Variants in ANKRD17 observed in about 807,000 individuals in gnomAD.
ANKRD17 encodes ankyrin repeat domain 17.
A neutral mutation model predicts 229.7 loss-of-function variants in ANKRD17; 19 were observed. The observed-to-expected ratio is 0.08, with a 90% CI of 0.06 to 0.12. The LOEUF (loss-of-function observed/expected upper bound fraction) is 0.12. ANKRD17 is among the 10% of genes least tolerant of loss of function. The pLI, the probability that ANKRD17 is intolerant of heterozygous loss-of-function variation, is 1.00. For missense variants in ANKRD17, 2,176 were observed against 3,176.8 expected (o/e 0.68, Z 7.57); for synonymous variants, 1,112 against 1,146.1 (o/e 0.97, Z 0.60).
intron 7 of ANKRD17, among the ~76,000 whole-genome samples, chr4:73,150,091 T>G (rs1028420734): frequency 1.3e-5 from 2 of 152,060 alleles, no homozygotes; most frequent in African/African-American, 4.8e-5. Context: ...GGCTTACTAC[T>G]TTTTTTTCTA....
At chr4:73,110,428 G>A (rs996901333) in intron 24 of ANKRD17, among the ~76,000 whole-genome samples, 13 of 152,120 alleles carry the variant, frequency 8.5e-5, no homozygotes, top group Admixed American at 2.6e-4. Flanking sequence ...TCAGCCTCCC[G>A]AGTAGCTGGG....
intron 2 of ANKRD17, among the ~76,000 whole-genome samples, chr4:73,175,218 G>C (rs935090907): frequency 6.6e-6 from 1 of 152,164 alleles, no homozygotes; most frequent in African/African-American, 2.4e-5. Context: ...AGGAATCAAG[G>C]ACCTTCTTCA....
chr4:73,124,747 C>A (rs901205072), intron 18 of ANKRD17, among the ~76,000 whole-genome samples, 166 bp downstream of exon 18: 1 of 152,164 alleles, frequency 6.6e-6, no homozygotes, highest in Non-Finnish European at 1.5e-5. Context: ...GGCAAGATAG[C>A]TTATGCTAAC....
intron 18 of ANKRD17, among the ~76,000 whole-genome samples, chr4:73,123,711 T>C (rs561178582): frequency 3.9e-5 from 6 of 152,080 alleles, no homozygotes; most frequent in Non-Finnish European, 7.4e-5. Flanking sequence ...TTATTATATC[T>C]ATTAAAATTG....
chr4:73,243,692 T>G (rs1308735567), intron 1 of ANKRD17, among the ~76,000 whole-genome samples: 2 of 152,140 alleles, frequency 1.3e-5, no homozygotes. Flanking sequence ...ATATCCACAG[T>G]CCCCTTCTTT....
chr4:73,100,751 T>C (rs909703674), intron 25 of ANKRD17: 9 of 723,570 alleles, frequency 1.2e-5, no homozygotes, highest in Non-Finnish European at 1.5e-5. Context: ...TAGAGGTATT[T>C]ACCATATTAA....
rs181788885 is a variant in ANKRD17, at chr4:73,164,856, T to C, written c.548-3508A>G. On this transcript the variant is annotated intron_variant, in intron 2 of 33. Transcript: ENST00000358602. The stretch of plus-strand genomic sequence containing the variant: ...TTTCCAAATGCTCTCATTTAATCAA[T>C]TGAACAACAAAACCATAGAAATTCA... 2.4e-3 allele frequency among the ~76,000 whole-genome samples: 366 copies of C among 150,540 alleles called. 3 individuals are homozygous for C. Among genetic ancestry groups the C allele is most frequent in the African/African-American group, 8.2e-3 (336 of 41,186 alleles).
At chr4:73,171,212 A>AGAGAGAGAGAGAGG (rs1560646177) in intron 2 of ANKRD17, among the ~76,000 whole-genome samples, 16 of 151,566 alleles carry the variant, frequency 1.1e-4, no homozygotes, top group Admixed American at 3.9e-4. Flanking sequence ...AGAGAGAGAG[A>AGAGAGAGAGAGAGG]GAGAGAGAGA....
chr4:73,178,613 T>TA (rs1168714968), intron 1 of ANKRD17, among the ~76,000 whole-genome samples: 1 of 152,014 alleles, frequency 6.6e-6, no homozygotes, highest in African/African-American at 2.4e-5. Flanking sequence ...GTCAACATAG[T>TA]AAAAAAGTCA....
chr4:73,228,568 T>G (rs540638466), intron 1 of ANKRD17, among the ~76,000 whole-genome samples: 1 of 152,300 alleles, frequency 6.6e-6, no homozygotes, highest in Non-Finnish European at 1.5e-5. Flanking sequence ...ATAACCTACA[T>G]ATTTCAAGCA....
At chr4:73,151,267 AG>A (rs1730973935) in intron 7 of ANKRD17, among the ~76,000 whole-genome samples, 162 bp downstream of exon 7, 1 of 152,242 alleles carries the variant, frequency 6.6e-6, no homozygotes. Context: ...AGCATTGTAA[AG>A]CTTCAGAAAG....
At chr4:73,224,734 T>C (rs191687927) in intron 1 of ANKRD17, among the ~76,000 whole-genome samples, 15 of 152,314 alleles carry the variant, frequency 9.8e-5, no homozygotes, top group Non-Finnish European at 2.1e-4. Flanking sequence ...ATTTTACGTA[T>C]GTGGAAATGG....
rs1248361449 is a variant in ANKRD17 at position 73,092,068 on chromosome 4, C to T, written c.5560G>A (p.Val1854Met). ...STSQTATALT[V>M]PAISSASTHK... ...GTGGATGCAGAAGAAATTGCAGGCA[C>T]AGTGAGTGCTGTGGCAGTTTGAGAT... Residue 1854 changes from valine (V) to methionine (M), a missense_variant, in exon 29 of 34, where the codon GTG becomes ATG. Around this residue, in one of 18 missense-constraint regions of ANKRD17, gnomAD observed 142 missense variants for 200.4 expected, o/e 0.71. Transcript: ENST00000358602. 2 of 1,614,198 alleles carry T rather than the reference C, an allele frequency of 1.2e-6. No homozygotes were observed. Among genetic ancestry groups the T allele is most frequent in the South Asian group, 2.2e-5 (2 of 91,086 alleles).
At position 73,075,261 on chromosome 4, in the gene ANKRD17, CAG is replaced by C. The variant is rs978826217; in HGVS notation, c.*968_*969del. 1.3e-5 allele frequency: 2 copies of C among 151,992 alleles called. No homozygotes were observed. The highest frequency in any genetic ancestry group is 2.9e-5 in the Non-Finnish European group (2 of 67,950). The allele number at this position is 151,992 out of a possible 1,614,324, so 9.4% of individuals were successfully genotyped here. ...ATAGTACATTGAATTATTTAATAAA[CAG>C]AATATTAAGAGCTTGTATATGCTGA... On this transcript the variant is annotated 3_prime_UTR_variant, in exon 34 of 34. Transcript: ENST00000358602.
chr4:73,085,722 T>TC (rs1342996373), intron 29 of ANKRD17, among the ~76,000 whole-genome samples: 1 of 149,734 alleles, frequency 6.7e-6, no homozygotes, highest in African/African-American at 2.5e-5. Context: ...GTGTGGTGGT[T>TC]CATGCCTATA....
At chr4:73,147,586 G>A (rs1730452178) in intron 8 of ANKRD17, among the ~76,000 whole-genome samples, 154 bp from the exon 9 acceptor site, 2 of 152,136 alleles carry the variant, frequency 1.3e-5, no homozygotes, top group Admixed American at 1.3e-4. Flanking sequence ...TCCTAAGGCA[G>A]TTAAAACTAA....
intron 15 of ANKRD17, among the ~76,000 whole-genome samples, chr4:73,139,091 A>G (rs1729284173): frequency 6.6e-6 from 1 of 152,022 alleles, no homozygotes; most frequent in African/African-American, 2.4e-5. Flanking sequence ...CTGATCCATT[A>G]GGATATAAAG....
chr4:73,169,247 A>T (rs975496361), intron 2 of ANKRD17, among the ~76,000 whole-genome samples: 2 of 152,194 alleles, frequency 1.3e-5, no homozygotes, highest in African/African-American at 2.4e-5. Context: ...TTTTCCCAAA[A>T]GGCACATCAC....
At chr4:73,252,735 A>C (rs1448122262) in intron 1 of ANKRD17, among the ~76,000 whole-genome samples, 1 of 152,214 alleles carries the variant, frequency 6.6e-6, no homozygotes, top group East Asian at 1.9e-4. Flanking sequence ...ATATTTTGAA[A>C]GGCAAGGAAT....
Sources: gnomAD v4.1 joint callset for allele counts (sites outside exome capture counted in the v4.1 genomes callset) on GRCh38, gnomAD v4.1.1 for gene constraint, gnomAD v4.1.1 regional missense constraint, MANE v1.5 for transcripts, NCBI Gene and HGNC (gene_info 2026-07-23, HGNC 2026-07-21) for gene names.